The following KIAA1217 variants were observed in gnomAD, a reference collection of about 807,000 sequenced individuals.
KIAA1217 encodes sickle tail protein homolog.
Under a neutral mutation model 163.9 loss-of-function variants are expected in KIAA1217, and 88 were observed. The observed-to-expected ratio is 0.54, with a 90% confidence interval of 0.45 to 0.64. The LOEUF (loss-of-function observed/expected upper bound fraction) is 0.64. Ranked by LOEUF, KIAA1217 falls within the 30% of genes least tolerant of loss-of-function variation. The pLI, the probability that KIAA1217 is intolerant of heterozygous loss-of-function variation, is 0.00. For synonymous variants in KIAA1217, 903 were observed against 923.1 expected (o/e 0.98, Z 0.39); for missense variants, 2,372 against 2,475.0 (o/e 0.96, Z 0.88).
intron 2 of KIAA1217, chr10:24,158,787 G>T (rs1009928465): frequency 1.7e-5 from 8 of 460,776 alleles, no homozygotes; most frequent in East Asian, 1.1e-4. Flanking sequence ...ATGTCTGGCC[G>T]GTAGTAGAAG....
intron 2 of KIAA1217, among the ~76,000 whole-genome samples, chr10:24,300,259 A>G (rs10082549): frequency 0.12 from 17,591 of 152,230 alleles, 1,577 homozygotes; most frequent in East Asian, 0.31. Context: ...ATCACTGCTT[A>G]GTCAGTTTCC....
At chr10:24,345,612 C>G (rs2047632037) in intron 2 of KIAA1217, among the ~76,000 whole-genome samples, 1 of 152,190 alleles carries the variant, frequency 6.6e-6, no homozygotes, top group South Asian at 2.1e-4. Context: ...ACTAAATATA[C>G]AGGCAAGGAA....
At chr10:24,196,123 G>C (rs1190796643) in intron 2 of KIAA1217, among the ~76,000 whole-genome samples, 15 of 136,292 alleles carry the variant, frequency 1.1e-4, no homozygotes, top group Non-Finnish European at 1.5e-5. Flanking sequence ...GACAGAGTGA[G>C]ACCCTGTCTC....
intron 17 of KIAA1217, among the ~76,000 whole-genome samples, chr10:24,541,205 T>A (rs2135424589): frequency 6.6e-6 from 1 of 151,722 alleles, no homozygotes; most frequent in East Asian, 1.9e-4. Context: ...GCTCAATTAT[T>A]TTTCTTCTTT....
At chr10:23,841,520 C>A (rs1397501326) in intron 1 of KIAA1217, among the ~76,000 whole-genome samples, 1 of 152,078 alleles carries the variant, frequency 6.6e-6, no homozygotes, top group African/African-American at 2.4e-5. Context: ...CTGATGTTTA[C>A]CTTTTTATGT....
At chr10:23,847,419 A>G (rs775018123) in intron 1 of KIAA1217, among the ~76,000 whole-genome samples, 1 of 152,102 alleles carries the variant, frequency 6.6e-6, no homozygotes, top group African/African-American at 2.4e-5. Context: ...TTATTGGTCT[A>G]TTCAGGGATT....
At chr10:24,510,750 T>C (rs922072245) in intron 9 of KIAA1217, among the ~76,000 whole-genome samples, 1 of 152,128 alleles carries the variant, frequency 6.6e-6, no homozygotes, top group Admixed American at 6.5e-5. Context: ...TCAACCGATA[T>C]GAACAGTGCT....
intron 2 of KIAA1217, among the ~76,000 whole-genome samples, chr10:24,149,469 C>G (rs910254881): frequency 6.6e-6 from 1 of 151,764 alleles, no homozygotes; most frequent in African/African-American, 2.4e-5. Context: ...CAGTCATGAG[C>G]CTCCATGCCT....
chr10:23,824,128 C>T (rs1440534671), intron 1 of KIAA1217, among the ~76,000 whole-genome samples: 1 of 151,872 alleles, frequency 6.6e-6, no homozygotes, highest in Non-Finnish European at 1.5e-5. Flanking sequence ...AAAAAATTAG[C>T]CCAGCGTGTT....
chr10:23,775,543 C>T (rs570639661), intron 1 of KIAA1217, among the ~76,000 whole-genome samples: 10 of 152,260 alleles, frequency 6.6e-5, no homozygotes, highest in African/African-American at 2.4e-4. Flanking sequence ...ACCTTTGTCA[C>T]TCCTCCGTCC....
chr10:24,061,263 A>G (rs1320518577), intron 2 of KIAA1217, among the ~76,000 whole-genome samples: 7 of 152,054 alleles, frequency 4.6e-5, no homozygotes, highest in Non-Finnish European at 1.0e-4. Context: ...TCAATCACAC[A>G]TAAGACCTCT....
chr10:24,322,200 C>G (rs745765945), intron 2 of KIAA1217, among the ~76,000 whole-genome samples: 1 of 152,096 alleles, frequency 6.6e-6, no homozygotes, highest in Non-Finnish European at 1.5e-5. Flanking sequence ...GTGATCCACC[C>G]GCCTCAGCCT....
chr10:24,384,495 G>T (rs987500337), intron 3 of KIAA1217, among the ~76,000 whole-genome samples: 1 of 152,088 alleles, frequency 6.6e-6, no homozygotes, highest in African/African-American at 2.4e-5. Context: ...TTACACTGGG[G>T]TTCACTCTTG....
intron 2 of KIAA1217, among the ~76,000 whole-genome samples, chr10:24,054,780 T>A (rs186954594): frequency 2.4e-3 from 370 of 152,298 alleles, no homozygotes; most frequent in African/African-American, 8.6e-3. Flanking sequence ...TCATAGGCTA[T>A]AAACCTGTAC....
chr10:23,906,051 T>A (rs1842148651), intron 1 of KIAA1217, among the ~76,000 whole-genome samples: 1 of 152,044 alleles, frequency 6.6e-6, no homozygotes. Context: ...GTTCCTCACA[T>A]GTTGGAGGAT....
intron 1 of KIAA1217, among the ~76,000 whole-genome samples, chr10:23,997,646 A>T (rs1846546248): frequency 6.6e-6 from 1 of 152,218 alleles, no homozygotes; most frequent in Non-Finnish European, 1.5e-5. Context: ...ATTCAAACAT[A>T]TACTTTACAT....
At chr10:24,265,198 C>G (rs2076120925) in intron 2 of KIAA1217, among the ~76,000 whole-genome samples, 1 of 152,128 alleles carries the variant, frequency 6.6e-6, no homozygotes, top group African/African-American at 2.4e-5. Context: ...TTAGCCATGG[C>G]CTTCATGTTT....
At chr10:24,316,163 G>A (rs2043340740) in intron 2 of KIAA1217, among the ~76,000 whole-genome samples, 2 of 152,116 alleles carry the variant, frequency 1.3e-5, no homozygotes, top group Non-Finnish European at 2.9e-5. Context: ...CAGGTGCTGT[G>A]TGTACTCCAA....
intron 1 of KIAA1217, among the ~76,000 whole-genome samples, chr10:23,805,618 C>T (rs757463080): frequency 6.6e-6 from 1 of 152,006 alleles, no homozygotes; most frequent in Admixed American, 6.6e-5. Flanking sequence ...TACAAATGAA[C>T]CCCCATGACA....
Sources: allele counts gnomAD v4.1 joint callset (sites outside exome capture counted in the v4.1 genomes callset), GRCh38; gene constraint gnomAD v4.1.1; transcripts MANE v1.5; gene names NCBI Gene and HGNC (gene_info 2026-07-23, HGNC 2026-07-21).